AGAP1: variants seen among roughly 807,000 people sequenced by gnomAD.
The protein encoded by AGAP1 is arf-GAP with GTPase, ANK repeat and PH domain-containing protein 1.
Under a neutral mutation model 105.3 loss-of-function variants are expected in AGAP1, and 29 were observed. The ratio of observed to expected loss-of-function variants is 0.28; its 90% CI spans 0.21 to 0.38. The LOEUF is 0.38. Among genes scored for constraint, AGAP1 ranks in the 10% least tolerant of loss-of-function variants. AGAP1 has a pLI of 1.00. For synonymous variants in AGAP1, 509 were observed against 485.9 expected (o/e 1.05, Z -0.63); for missense variants, 998 against 1,165.1 (o/e 0.86, Z 2.09).
chr2:236,042,934 G>T lies in AGAP1; in HGVS notation c.1891+2093G>T, dbSNP rs1003682318. Reference sequence around the variant, plus strand: ...TCATTCTGCAACCCTAGTAGTTGGTGCCCCTGTGGGCCCCACTTAAAGGGG... The same window carrying T: ...TCATTCTGCAACCCTAGTAGTTGGTTCCCCTGTGGGCCCCACTTAAAGGGG... On this transcript the variant is annotated intron_variant, in intron 15 of 17. Transcript: ENST00000304032. This position sits in a 1 kb window ranked among gnomAD's most constrained non-coding sequence, Gnocchi z 5.6. 6.6e-6 allele frequency among the ~76,000 whole-genome samples: 1 copy of T among 152,226 alleles called. No individual in the cohort carries two copies. The highest frequency in any genetic ancestry group is 1.5e-5 in the Non-Finnish European group (1 of 68,044).
chr2:235,773,529 G>A (rs546779279), intron 6 of AGAP1, among the ~76,000 whole-genome samples: 1 of 152,320 alleles, frequency 6.6e-6, no homozygotes, highest in Non-Finnish European at 1.5e-5. Context: ...AGCAGCCTCA[G>A]GTCCTTTTGT....
chr2:235,684,997 T>C (rs1949301386), intron 1 of AGAP1, among the ~76,000 whole-genome samples: 1 of 152,100 alleles, frequency 6.6e-6, no homozygotes, highest in African/African-American at 2.4e-5. Context: ...GTGTGGCTGG[T>C]TGGTTCCCTG....
rs572774797 is a variant in AGAP1, at chr2:235,732,062, G to A, written c.311-8901G>A. 6.6e-6 allele frequency among the ~76,000 whole-genome samples: 1 copy of A among 152,288 alleles called. No homozygotes were observed. The highest frequency in any genetic ancestry group is 2.1e-4 in the South Asian group (1 of 4,810). On this transcript the variant is annotated intron_variant, in intron 3 of 17. Coordinates refer to ENST00000304032, the MANE Select transcript of AGAP1 (RefSeq NM_001037131.3). The surrounding 1 kb of genome is among the most constrained non-coding windows in gnomAD (Gnocchi z 4.8). The stretch of plus-strand genomic sequence containing the variant: ...TTCTCATCTTGAAAGTTGTGAATCT[G>A]TGTCACATTTTCCTGGTGTATCGCG...
intron 1 of AGAP1, among the ~76,000 whole-genome samples, chr2:235,571,166 G>A (rs954324038): frequency 6.6e-6 from 1 of 152,128 alleles, no homozygotes; most frequent in African/African-American, 2.4e-5. Flanking sequence ...CCAAGGGGAC[G>A]GTGCTCAGCC....
chr2:235,667,455 C>CA (rs150215396), intron 1 of AGAP1, among the ~76,000 whole-genome samples: 2,642 of 147,192 alleles, frequency 0.018, 69 homozygotes, highest in African/African-American at 0.061. Context: ...CTTACTAAGA[C>CA]AAAAAAAAAA....
At chr2:235,844,492 T>C (rs1445223509) in intron 9 of AGAP1, among the ~76,000 whole-genome samples, 2 of 152,208 alleles carry the variant, frequency 1.3e-5, no homozygotes, top group Non-Finnish European at 2.9e-5. Context: ...AAATCTATTA[T>C]GCACTTTTGG....
chr2:235,964,907 A>G lies in AGAP1; in HGVS notation c.1484-3555A>G, dbSNP rs927504317. On this transcript the variant is annotated intron_variant, in intron 12 of 17. Coordinates refer to ENST00000304032, the MANE Select transcript of AGAP1 (RefSeq NM_001037131.3). This position sits in a 1 kb window ranked among gnomAD's most constrained non-coding sequence, Gnocchi z 4.6. ...GTGCTTAAATGGAGAGCAGGCAGTC[A>G]TGGAGCGGCTTTGTGAAAACAGGCT... 6.6e-6 allele frequency among the ~76,000 whole-genome samples: 1 copy of G among 152,200 alleles called. No homozygotes were observed. Among genetic ancestry groups the G allele is most frequent in the African/African-American group, 2.4e-5 (1 of 41,452 alleles).
chr2:235,762,864 C>T (rs544454108), intron 6 of AGAP1, among the ~76,000 whole-genome samples: 8 of 152,168 alleles, frequency 5.3e-5, no homozygotes, highest in Non-Finnish European at 1.2e-4. Context: ...CAGAGTGAGA[C>T]TCCATCTCAA....
rs1337293732 is a variant in AGAP1, at chr2:235,736,716, C to T, written c.311-4247C>T. 2.0e-5 allele frequency among the ~76,000 whole-genome samples: 3 copies of T among 152,094 alleles called. No homozygotes were observed. The highest frequency in any genetic ancestry group is 2.9e-5 in the Non-Finnish European group (2 of 68,032). ...CTATCCAGGTGTGGCGGCACATGTC[C>T]GTGGTCCCAGCTACTCAGGGAGGCT... On this transcript the variant is annotated intron_variant, in intron 3 of 17. Coordinates refer to ENST00000304032, the MANE Select transcript of AGAP1 (RefSeq NM_001037131.3). The surrounding 1 kb of genome is among the most constrained non-coding windows in gnomAD (Gnocchi z 5.5).
At chr2:236,102,774 G>A (rs2059390065) in intron 16 of AGAP1, among the ~76,000 whole-genome samples, 1 of 152,068 alleles carries the variant, frequency 6.6e-6, no homozygotes, top group South Asian at 2.1e-4. Context: ...AACGTCCCGT[G>A]TTTTGTTGTG....
At position 235,596,617 on chromosome 2, in the gene AGAP1, T is replaced by C. The variant is rs1393788973; in HGVS notation, c.163+101768T>C. Among the ~76,000 whole-genome samples the C allele has an allele frequency of 1.3e-5, 2 of 152,208 alleles. No individual in the cohort carries two copies. Among genetic ancestry groups the C allele is most frequent in the Admixed American group, 6.5e-5 (1 of 15,286 alleles). ...TGCAGGTGCTGTGTCATCGTATGGC[T>C]GTATTTGAGGGGATTGTGTAAGAAG... On this transcript the variant is annotated intron_variant, in intron 1 of 17. Transcript: ENST00000304032. The surrounding 1 kb of genome is among the most constrained non-coding windows in gnomAD (Gnocchi z 5.9).
rs1216545351 is a variant in AGAP1, at chr2:236,049,170, A to C, written c.2003A>C (p.Asp668Ala). The change falls in exon 16 of 18, where the codon GAC (aspartate) becomes GCC (alanine). Residue 668 changes from aspartate to alanine, a missense_variant. Physicochemically the swap from Asp to Ala is moderately radical, Grantham distance 126. This residue lies in a region of AGAP1 where 28 missense variants were observed against 61.0 expected (regional missense o/e 0.46). Coordinates refer to ENST00000304032, the MANE Select transcript of AGAP1 (RefSeq NM_001037131.3). The part of the protein sequence containing the change: ...LSRVRSLDLD[D>A]WPVELIKVMS... Reference sequence around the variant, plus strand: ...CGAGTCCGATCTCTGGACCTGGATGACTGGCCAGTCGAGCTCATCAAGGTG... The same window carrying C: ...CGAGTCCGATCTCTGGACCTGGATGCCTGGCCAGTCGAGCTCATCAAGGTG... 1 of 1,614,196 alleles carries C rather than the reference A, an allele frequency of 6.2e-7. No individual in the cohort carries two copies. Among genetic ancestry groups the C allele is most frequent in the Non-Finnish European group, 8.5e-7 (1 of 1,180,038 alleles).
chr2:235,673,355 C>T (rs1304425895), intron 1 of AGAP1, among the ~76,000 whole-genome samples: 2 of 152,208 alleles, frequency 1.3e-5, no homozygotes, highest in Non-Finnish European at 2.9e-5. Flanking sequence ...AGAGCCCAAG[C>T]TCAGTTTCCC....
rs972222086 is a variant in AGAP1 at position 235,777,479 on chromosome 2, T to C, written c.674-20280T>C. 7.9e-5 allele frequency among the ~76,000 whole-genome samples: 12 copies of C among 152,250 alleles called. No individual in the cohort carries two copies. The highest frequency in any genetic ancestry group is 1.0e-4 in the Non-Finnish European group (7 of 68,040). On this transcript the variant is annotated intron_variant, in intron 6 of 17. Coordinates refer to ENST00000304032, the MANE Select transcript of AGAP1 (RefSeq NM_001037131.3). The surrounding 1 kb of genome is among the most constrained non-coding windows in gnomAD (Gnocchi z 5.1). ...CTGATTCCCACCTGCCTCCTCGTTATCAGCAGGCAGCCTTGCGTCTGCCTC... is the reference window on the plus strand; with the variant it reads ...CTGATTCCCACCTGCCTCCTCGTTACCAGCAGGCAGCCTTGCGTCTGCCTC...
intron 16 of AGAP1, among the ~76,000 whole-genome samples, chr2:236,068,315 A>G (rs2058402731): frequency 1.3e-5 from 2 of 152,054 alleles, no homozygotes; most frequent in Admixed American, 1.3e-4. Context: ...ACTGTGAAAC[A>G]TCTGATGGTA....
At chr2:236,094,923 CAAAAAAAAAA>C (rs59126473) in intron 16 of AGAP1, among the ~76,000 whole-genome samples, 49 of 37,790 alleles carry the variant, frequency 1.3e-3, no homozygotes, top group South Asian at 6.5e-3. Flanking sequence ...CCCATCTCTA[CAAAAAAAAAA>C]AAAAAAAAAA....
intron 1 of AGAP1, among the ~76,000 whole-genome samples, chr2:235,694,608 A>G (rs1949910108): frequency 2.6e-5 from 4 of 151,612 alleles, no homozygotes; most frequent in Non-Finnish European, 1.5e-5. Flanking sequence ...AGATCGCGCC[A>G]CTGCACTCCA....
At chr2:235,648,937 G>A (rs1446148494) in intron 1 of AGAP1, among the ~76,000 whole-genome samples, 1 of 151,494 alleles carries the variant, frequency 6.6e-6, no homozygotes, top group Non-Finnish European at 1.5e-5. Context: ...GACTTCGGAA[G>A]CAGGGACCCC....
rs1011550596 is a variant in AGAP1 at position 235,901,734 on chromosome 2, A to C, written c.1156-7004A>C. ...CATCTCTACTAAAACTACAGAAATTAGGTGAGCATAGGAACGTGCCTGTAA... is the reference window on the plus strand; with the variant it reads ...CATCTCTACTAAAACTACAGAAATTCGGTGAGCATAGGAACGTGCCTGTAA... On this transcript the variant is annotated intron_variant, in intron 10 of 17. Transcript: ENST00000304032. The surrounding 1 kb of genome is among the most constrained non-coding windows in gnomAD (Gnocchi z 4.3). Among the ~76,000 whole-genome samples, 40 of 152,136 alleles carry C rather than the reference A, an allele frequency of 2.6e-4. No homozygotes were observed. Among genetic ancestry groups the C allele is most frequent in the Admixed American group, 2.1e-3 (32 of 15,274 alleles).
Sources: gnomAD v4.1 joint callset for allele counts (sites outside exome capture counted in the v4.1 genomes callset) on GRCh38, gnomAD v4.1.1 for gene constraint, gnomAD v4.1.1 regional missense constraint, Gnocchi (gnomAD v3.1) non-coding constraint, MANE v1.5 for transcripts, NCBI Gene and HGNC (gene_info 2026-07-23, HGNC 2026-07-21) for gene names.